SPNS2: variants seen among roughly 807,000 people sequenced by gnomAD.
SPNS2 encodes the protein sphingosine-1-phosphate transporter SPNS2.
Under a neutral mutation model 57.6 loss-of-function variants are expected in SPNS2, and 37 were observed. That is an observed-to-expected ratio of 0.64 (90% CI 0.49 to 0.85). The LOEUF (loss-of-function observed/expected upper bound fraction) is 0.85. SPNS2 is among the 40% of genes least tolerant of loss of function. SPNS2 has a pLI of 0.00. For synonymous variants in SPNS2, 440 were observed against 346.9 expected (o/e 1.27, Z -2.98); for missense variants, 831 against 779.1 (o/e 1.07, Z -0.79).
At chr17:4,529,688 A>T (rs1253840035) in intron 3 of SPNS2, among the ~76,000 whole-genome samples, 1 of 151,998 alleles carries the variant, frequency 6.6e-6, no homozygotes, top group Non-Finnish European at 1.5e-5. Flanking sequence ...AAGAAAAAAA[A>T]AGAAATCAAT....
In SPNS2 at chr17:4,511,303, T is replaced by C. The variant is rs1277154560; in HGVS notation, c.371-1944T>C. On this transcript the variant is annotated intron_variant, in intron 1 of 12. Coordinates refer to ENST00000329078, the MANE Select transcript of SPNS2 (RefSeq NM_001124758.3). This position sits in a 1 kb window ranked among gnomAD's most constrained non-coding sequence, Gnocchi z 4.6. Reference sequence around the variant, plus strand: ...GGCATCTGAACTGGCCTTGAAGAAGTGGCAGGAGTGAGCCTGGTTGACGGA... The same window carrying C: ...GGCATCTGAACTGGCCTTGAAGAAGCGGCAGGAGTGAGCCTGGTTGACGGA... Among the ~76,000 whole-genome samples the C allele has an allele frequency of 1.3e-5, 2 of 152,064 alleles. No homozygotes were observed. Among genetic ancestry groups the C allele is most frequent in the African/African-American group, 4.8e-5 (2 of 41,404 alleles).
rs746882741 is a variant in SPNS2, at chr17:4,512,077, C to T, written c.371-1170C>T. On this transcript the variant is annotated intron_variant, in intron 1 of 12. Coordinates refer to ENST00000329078, the MANE Select transcript of SPNS2 (RefSeq NM_001124758.3). The surrounding 1 kb of genome is among the most constrained non-coding windows in gnomAD (Gnocchi z 5.2). ...TTATACAGGCATTTAATGCTCAGTT[C>T]GGCAAACCATCATCTGTTGAATGCT... 1.8e-4 allele frequency among the ~76,000 whole-genome samples: 27 copies of T among 152,306 alleles called. No individual in the cohort carries two copies. Among genetic ancestry groups the T allele is most frequent in the East Asian group, 3.9e-4 (2 of 5,186 alleles).
intron 9 of SPNS2, among the ~76,000 whole-genome samples, chr17:4,534,760 C>T (rs886386335): frequency 1.5e-4 from 22 of 151,720 alleles, no homozygotes; most frequent in African/African-American, 4.1e-4. Flanking sequence ...AGCCTCAGCA[C>T]GGAGCCAGGC....
In SPNS2 at chr17:4,536,136, C is replaced by T. The variant is rs1905778510; in HGVS notation, c.1405C>T (p.Leu469=). 4 of 1,612,576 alleles carry T rather than the reference C, an allele frequency of 2.5e-6. No individual in the cohort carries two copies. The highest frequency in any genetic ancestry group is 1.3e-5 in the African/African-American group (1 of 74,904). ...AVALQSFTSH[L]LGDAGSPYLI... is the part of the protein sequence containing the mutation. ...GGCCTTGCAGAGCTTCACCTCCCAC[C>T]TGCTGGGGGACGCCGGGAGCCCCTA... The change falls in exon 10 of 13, where the codon CTG becomes TTG. Residue 469 remains leucine, a synonymous_variant. Coordinates refer to ENST00000329078, the MANE Select transcript of SPNS2 (RefSeq NM_001124758.3).
Position 4,536,095 on chromosome 17 carries a change from G to T in SPNS2, c.1364G>T (p.Arg455Leu). 2 of 1,612,010 alleles carry T rather than the reference G, an allele frequency of 1.2e-6. No homozygotes were observed. Among genetic ancestry groups the T allele is most frequent in the Non-Finnish European group, 8.5e-7 (1 of 1,179,750 alleles). The change falls in exon 10 of 13, where the codon CGG becomes CTG. Residue 455 changes from arginine to leucine, a missense_variant. By Grantham distance (102) the Arg-to-Leu change is moderately radical (BLOSUM62 -2). This residue lies in a region of SPNS2 where 526 missense variants were observed against 400.9 expected (regional missense o/e 1.31). Coordinates refer to ENST00000329078, the MANE Select transcript of SPNS2 (RefSeq NM_001124758.3). Reference sequence around the variant, plus strand: ...CCGCAGTACGTGGTCATCCCCACGCGGCGCGCCACTGCCGTGGCCTTGCAG... The same window carrying T: ...CCGCAGTACGTGGTCATCCCCACGCTGCGCGCCACTGCCGTGGCCTTGCAG... ...DILMYVVIPT[R>L]RATAVALQSF...
At chr17:4,533,694 G>A (rs1036678414) in intron 8 of SPNS2, 94 bp from the exon 9 acceptor site, 81 of 1,430,516 alleles carry the variant, frequency 5.7e-5, no homozygotes, top group Non-Finnish European at 7.6e-5. Context: ...AGGTTTTGTG[G>A]GCTCCCTGCC....
In SPNS2 at chr17:4,511,747, C is replaced by A. The variant is rs1904833727; in HGVS notation, c.371-1500C>A. ...ATGGTCAACCCACTCAGGGCATTAA[C>A]AAGGAGGAAGACAGCTTCTCTGGCT... is the stretch of plus-strand genomic sequence containing the variant. On this transcript the variant is annotated intron_variant, in intron 1 of 12. Coordinates refer to ENST00000329078, the MANE Select transcript of SPNS2 (RefSeq NM_001124758.3). The surrounding 1 kb of genome is among the most constrained non-coding windows in gnomAD (Gnocchi z 4.6). Among the ~76,000 whole-genome samples, 1 of 152,198 alleles carries A rather than the reference C, an allele frequency of 6.6e-6. No individual in the cohort carries two copies. The highest frequency in any genetic ancestry group is 1.5e-5 in the Non-Finnish European group (1 of 68,026).
chr17:4,503,535 T>A (rs1189634742), intron 1 of SPNS2, among the ~76,000 whole-genome samples: 1 of 152,160 alleles, frequency 6.6e-6, no homozygotes, highest in Non-Finnish European at 1.5e-5. Flanking sequence ...CTCTGTGAAA[T>A]GGAAGCAGAG....
At chr17:4,509,303 C>T (rs904138212) in intron 1 of SPNS2, among the ~76,000 whole-genome samples, 4 of 152,172 alleles carry the variant, frequency 2.6e-5, no homozygotes, top group African/African-American at 7.2e-5. Context: ...AGCCAAGTGT[C>T]GTGGTCCACG....
At chr17:4,527,375 T>A (rs1017071721) in intron 3 of SPNS2, among the ~76,000 whole-genome samples, 3 of 152,254 alleles carry the variant, frequency 2.0e-5, no homozygotes, top group Non-Finnish European at 4.4e-5. Flanking sequence ...GGGGATTTAG[T>A]GTAGGATGAA....
At chr17:4,533,760 G>T (rs1459488891) in intron 8 of SPNS2, 28 bp from the exon 9 acceptor site, 1 of 1,613,218 alleles carries the variant, frequency 6.2e-7, no homozygotes, top group Non-Finnish European at 8.5e-7. Context: ...AGGGACCGCT[G>T]ATGGTGGCTT....
intron 2 of SPNS2, 105 bp from the exon 3 acceptor site, chr17:4,524,952 G>C (rs183204491): frequency 2.0e-6 from 3 of 1,502,316 alleles, no homozygotes; most frequent in African/African-American, 1.4e-5. Flanking sequence ...CTGCTTCCTT[G>C]GTCCCTTTGC....
intron 3 of SPNS2, among the ~76,000 whole-genome samples, chr17:4,529,527 C>T (rs987192063): frequency 1.3e-5 from 2 of 152,110 alleles, no homozygotes; most frequent in African/African-American, 4.8e-5. Flanking sequence ...CAAAAATTAG[C>T]TGGGTGTGGT....
chr17:4,524,927 G>C, intron 2 of SPNS2, 130 bp from the exon 3 acceptor site: 1 of 1,366,314 alleles, frequency 7.3e-7, no homozygotes. Flanking sequence ...GTCGGGCCGA[G>C]GTTTCCTCTC....
At chr17:4,524,865 G>A (rs575295785) in intron 2 of SPNS2, among the ~76,000 whole-genome samples, 192 bp from the exon 3 acceptor site, 123 of 152,342 alleles carry the variant, frequency 8.1e-4, no homozygotes, top group Middle Eastern at 3.4e-3. Flanking sequence ...AGAGGATGGC[G>A]TCATGGACCT....
At position 4,536,069 on chromosome 17, in the gene SPNS2, T is replaced by TC; in HGVS notation, c.1345-5dup. 1 of 1,609,474 alleles carries TC rather than the reference T, an allele frequency of 6.2e-7. No homozygotes were observed. Among genetic ancestry groups the TC allele is most frequent in the Non-Finnish European group, 8.5e-7 (1 of 1,178,940 alleles). ...TCTGGCCGCTGACCTGCCCGCCTGTTCCGCAGTACGTGGTCATCCCCACGC... is the reference window on the plus strand; with the variant it reads ...TCTGGCCGCTGACCTGCCCGCCTGTTCCCGCAGTACGTGGTCATCCCCACGC... On this transcript the variant is annotated splice_polypyrimidine_tract_variant and splice_region_variant and intron_variant, in intron 9 of 12. Transcript: ENST00000329078.
chr17:4,536,854 G>A (rs759134356), intron 11 of SPNS2, 46 bp from the exon 12 acceptor site: 31 of 1,543,776 alleles, frequency 2.0e-5, no homozygotes, highest in Non-Finnish European at 2.7e-5. Flanking sequence ...CCCGGGCCCG[G>A]CCCCCGCTGA....
intron 4 of SPNS2, 101 bp downstream of exon 4, chr17:4,530,884 C>A: frequency 6.7e-7 from 1 of 1,498,626 alleles, no homozygotes. Context: ...AGGCAGGCGT[C>A]CTCAGAGAGC....
At chr17:4,530,978 C>T (rs1033812953) in intron 4 of SPNS2, 75 bp from the exon 5 acceptor site, 7 of 1,563,956 alleles carry the variant, frequency 4.5e-6, no homozygotes, top group Non-Finnish European at 6.1e-6. Context: ...GGGCAGCCTG[C>T]CTTGCAGACC....
Sources: gnomAD v4.1 joint callset for allele counts (sites outside exome capture counted in the v4.1 genomes callset) on GRCh38, gnomAD v4.1.1 for gene constraint, gnomAD v4.1.1 regional missense constraint, Gnocchi (gnomAD v3.1) non-coding constraint, MANE v1.5 for transcripts, NCBI Gene and HGNC (gene_info 2026-07-23, HGNC 2026-07-21) for gene names.